PXK: variants seen among roughly 807,000 people sequenced by gnomAD.
The protein encoded by PXK is PX domain-containing protein kinase-like protein.
A neutral mutation model predicts 84.7 loss-of-function variants in PXK; 35 were observed. That is an observed-to-expected ratio of 0.41 (90% CI 0.32 to 0.55). PXK has a LOEUF of 0.55. Ranked by LOEUF, PXK falls within the 20% of genes least tolerant of loss-of-function variation. PXK has a pLI of 0.21. For missense variants in PXK, 634 were observed against 699.7 expected, an observed-to-expected ratio of 0.91 and a Z score of 1.06; for synonymous variants, 253 against 260.8, an observed-to-expected ratio of 0.97 and a Z score of 0.29.
chr3:58,363,422 G>C (rs74534531), intron 1 of PXK, among the ~76,000 whole-genome samples: 1 of 151,998 alleles, frequency 6.6e-6, no homozygotes, highest in Non-Finnish European at 1.5e-5. Flanking sequence ...ATGACCTTCC[G>C]GGCTCAAGCA....
In PXK at chr3:58,397,258, G is replaced by A; in HGVS notation, c.984+58G>A. On this transcript the variant is annotated intron_variant, in intron 10 of 17. Transcript: ENST00000356151. This position sits in a 1 kb window ranked among gnomAD's most constrained non-coding sequence, Gnocchi z 4.7. ...ATTTTTAGGTGTCAGTTATCCCCAT[G>A]ATCTGCCCATGTAGGAAATATGCAC... The A allele has an allele frequency of 1.3e-6, 2 of 1,560,128 alleles. No individual in the cohort carries two copies. The highest frequency in any genetic ancestry group is 2.2e-5 in the East Asian group (1 of 44,648).
intron 9 of PXK, 119 bp from the exon 10 acceptor site, chr3:58,396,910 TTCTTCAGGAA>T: frequency 1.0e-6 from 1 of 1,004,984 alleles, no homozygotes; most frequent in Non-Finnish European, 1.4e-6. Flanking sequence ...GGTGGCATTT[TTCTTCAGGAA>T]TCTTCTCAGT....
At chr3:58,335,416 G>A (rs890016958) in intron 1 of PXK, among the ~76,000 whole-genome samples, 5 of 152,138 alleles carry the variant, frequency 3.3e-5, no homozygotes, top group Non-Finnish European at 5.9e-5. Context: ...AAAATCTTAC[G>A]CTGATGCAAA....
chr3:58,399,817 G>A lies in PXK; in HGVS notation c.1181+440G>A, dbSNP rs1408881677. 1.3e-5 allele frequency among the ~76,000 whole-genome samples: 2 copies of A among 151,968 alleles called. No homozygotes were observed. The highest frequency in any genetic ancestry group is 2.9e-5 in the Non-Finnish European group (2 of 68,012). ...CTGCCCTCCAGGAAGAGGGCAACGT[G>A]TTTCTGAGCACCCATGCTTCTGCTT... On this transcript the variant is annotated intron_variant, in intron 12 of 17. Transcript: ENST00000356151. This position sits in a 1 kb window ranked among gnomAD's most constrained non-coding sequence, Gnocchi z 4.3.
At position 58,397,145 on chromosome 3, in the gene PXK, T is replaced by A; in HGVS notation, c.929T>A (p.Leu310Ter). 1 of 1,614,180 alleles carries A rather than the reference T, an allele frequency of 6.2e-7. No homozygotes were observed. The highest frequency in any genetic ancestry group is 8.5e-7 in the Non-Finnish European group (1 of 1,180,002). ...CGGCTGCTGGACCTTGAGAATTCCT[T>A]ATTGGGCCTGCCTTCCTTCTACCGA... ...TCRLLDLENSLLGLPSFYRSY... is the reference protein window; with the variant it reads ...TCRLLDLENS The change falls in exon 10 of 18, where the codon TTA (leucine) becomes TAA (stop). Residue 310 changes from leucine (L) to a stop codon, truncating the protein, a stop_gained. Coordinates refer to ENST00000356151, the MANE Select transcript of PXK (RefSeq NM_017771.5). LOFTEE classifies it high-confidence loss of function. The surrounding 1 kb of genome is among the most constrained non-coding windows in gnomAD (Gnocchi z 4.7).
rs912758107 is a variant in PXK, at chr3:58,403,997, GAT to G, written c.1230+93_1230+94del. 3.5e-5 allele frequency: 32 copies of G among 924,580 alleles called. 1 individual carries two copies. The highest frequency in any genetic ancestry group is 3.3e-4 in the Admixed American group (11 of 32,962). The allele number at this position is 924,580 out of a possible 1,614,324, so 57.3% of individuals were successfully genotyped here. The stretch of plus-strand genomic sequence containing the variant: ...TGTATTTTTAGCCAAAAAAAGAAAA[GAT>G]ATATAATAGGGAAAATTGGGAAATA... On this transcript the variant is annotated intron_variant, in intron 13 of 17. Coordinates refer to ENST00000356151, the MANE Select transcript of PXK (RefSeq NM_017771.5).
chr3:58,390,734 G>A lies in PXK; in HGVS notation c.466+75G>A, dbSNP rs1193740892. The A allele has an allele frequency of 1.3e-5, 18 of 1,376,742 alleles. No homozygotes were observed. Among genetic ancestry groups the A allele is most frequent in the Non-Finnish European group, 1.7e-5 (17 of 989,726 alleles). 85.3% of individuals were successfully genotyped at this position (1,376,742 alleles called of 1,614,324 possible). A position where few individuals can be genotyped will look rare whatever the true frequency, so the allele number is the denominator to read the frequency against. Reference sequence around the variant, plus strand: ...GATCCTTAGTCATGCTTTCTGATACGTATCCCAGGAACATGCTTAAATGCA... The same window carrying A: ...GATCCTTAGTCATGCTTTCTGATACATATCCCAGGAACATGCTTAAATGCA... On this transcript the variant is annotated intron_variant, in intron 5 of 17. Coordinates refer to ENST00000356151, the MANE Select transcript of PXK (RefSeq NM_017771.5). This position sits in a 1 kb window ranked among gnomAD's most constrained non-coding sequence, Gnocchi z 4.2.
chr3:58,341,781 G>T (rs2097736614), intron 1 of PXK, among the ~76,000 whole-genome samples: 1 of 150,738 alleles, frequency 6.6e-6, no homozygotes, highest in African/African-American at 2.4e-5. Context: ...TTGGCTCACT[G>T]CAACCTCCGC....
At chr3:58,347,096 T>C (rs199737328) in intron 1 of PXK, among the ~76,000 whole-genome samples, 13 of 152,218 alleles carry the variant, frequency 8.5e-5, no homozygotes, top group South Asian at 4.1e-4. Context: ...CTGCCTCGGC[T>C]TCCCAAAGTG....
At chr3:58,354,324 A>G (rs1367053711) in intron 1 of PXK, among the ~76,000 whole-genome samples, 11 of 152,112 alleles carry the variant, frequency 7.2e-5, no homozygotes, top group Non-Finnish European at 1.6e-4. Context: ...CTGAGTCCTT[A>G]AGAGGAGGTG....
Position 58,409,653 on chromosome 3 carries a change from G to T in PXK, c.1395+35G>T. The T allele has an allele frequency of 6.5e-7, 1 of 1,532,058 alleles. No homozygotes were observed. The highest frequency in any genetic ancestry group is 1.2e-5 in the South Asian group (1 of 85,988). 94.9% of individuals were successfully genotyped at this position (1,532,058 alleles called of 1,614,324 possible). On this transcript the variant is annotated intron_variant, in intron 15 of 17. Coordinates refer to ENST00000356151, the MANE Select transcript of PXK (RefSeq NM_017771.5). The surrounding 1 kb of genome is among the most constrained non-coding windows in gnomAD (Gnocchi z 4.2). ...CTGTCTCTCTGCAGTCCCTCTATGA[G>T]TTCTTGAGTACATGTGAAGAAAGTT...
intron 1 of PXK, among the ~76,000 whole-genome samples, chr3:58,357,971 AAAAAAC>A (rs1330285406): frequency 4.0e-5 from 6 of 151,848 alleles, no homozygotes; most frequent in African/African-American, 1.5e-4. Flanking sequence ...TCTCAAAACA[AAAAAAC>A]AAAAAAACAA....
At chr3:58,405,951 G>A (rs56041256) in intron 13 of PXK, among the ~76,000 whole-genome samples, 36,292 of 151,506 alleles carry the variant, frequency 0.24, 6,039 homozygotes, top group East Asian at 0.8. Context: ...GTTCCAATAA[G>A]CTTTATATAA....
Position 58,425,054 on chromosome 3 carries a change from AG to A in PXK, c.*95del. 6.7e-7 allele frequency: 1 copy of A among 1,497,528 alleles called. No individual in the cohort carries two copies. Among genetic ancestry groups the A allele is most frequent in the South Asian group, 1.3e-5 (1 of 75,750 alleles). 92.8% of individuals were successfully genotyped at this position (1,497,528 alleles called of 1,614,324 possible). On this transcript the variant is annotated 3_prime_UTR_variant, in exon 18 of 18. Transcript: ENST00000356151. ...CCTCTTCCTGGGAAAGTAATTGCTG[AG>A]CCAGTACAGCCACAAACAGTACTAT...
intron 1 of PXK, among the ~76,000 whole-genome samples, chr3:58,346,228 G>A (rs78053582): frequency 0.026 from 3,913 of 152,294 alleles, 90 homozygotes; most frequent in South Asian, 0.069. Context: ...AACAGTGAGG[G>A]GGGGTTTGGG....
rs150611444 is a variant in PXK at position 58,349,212 on chromosome 3, C to T, written c.102+16122C>T. ...TTGTACCACTGCACTCCAGCCTGGG[C>T]GACAGAGCCAGACCCCATCTCCAAA... On this transcript the variant is annotated intron_variant, in intron 1 of 17. Coordinates refer to ENST00000356151, the MANE Select transcript of PXK (RefSeq NM_017771.5). Among the ~76,000 whole-genome samples the T allele has an allele frequency of 6.9e-3, 1,043 of 152,010 alleles. 10 individuals carry two copies. Among genetic ancestry groups the T allele is most frequent in the African/African-American group, 0.024 (991 of 41,464 alleles).
At position 58,401,994 on chromosome 3, in the gene PXK, G is replaced by A. The variant is rs2058647897; in HGVS notation, c.1182-1868G>A. ...TTCCAGCTACTCAGGAGGCCAAGATGGGAGGATTGATTGAGCCCAGGACTT... is the reference window on the plus strand; with the variant it reads ...TTCCAGCTACTCAGGAGGCCAAGATAGGAGGATTGATTGAGCCCAGGACTT... On this transcript the variant is annotated intron_variant, in intron 12 of 17. Transcript: ENST00000356151. This position sits in a 1 kb window ranked among gnomAD's most constrained non-coding sequence, Gnocchi z 4.4. Among the ~76,000 whole-genome samples, 1 of 152,128 alleles carries A rather than the reference G, an allele frequency of 6.6e-6. No homozygotes were observed. The highest frequency in any genetic ancestry group is 2.4e-5 in the African/African-American group (1 of 41,416).
chr3:58,367,393 C>T (rs1052796385), intron 2 of PXK, among the ~76,000 whole-genome samples: 2 of 151,672 alleles, frequency 1.3e-5, no homozygotes, highest in East Asian at 1.9e-4. Context: ...TACAGGCACC[C>T]GCCACCACGC....
intron 1 of PXK, among the ~76,000 whole-genome samples, chr3:58,341,894 G>A (rs1414409012): frequency 6.6e-6 from 1 of 151,826 alleles, no homozygotes; most frequent in Non-Finnish European, 1.5e-5. Flanking sequence ...AGTAGAGATG[G>A]GGTTTCACCA....
Sources: allele counts gnomAD v4.1 joint callset (sites outside exome capture counted in the v4.1 genomes callset), GRCh38; gene constraint gnomAD v4.1.1; non-coding constraint Gnocchi (gnomAD v3.1); transcripts MANE v1.5; gene names NCBI Gene and HGNC (gene_info 2026-07-23, HGNC 2026-07-21).